Variants in NCKAP5 observed in about 807,000 individuals in gnomAD.
NCKAP5 encodes the protein nck-associated protein 5.
NCKAP5 carries 92 observed loss-of-function variants against 167.0 expected under a neutral mutation model. The observed-to-expected ratio is 0.55, with a 90% CI of 0.47 to 0.66. NCKAP5 has a LOEUF of 0.66. Ranked by LOEUF, NCKAP5 falls within the 30% of genes least tolerant of loss-of-function variation. NCKAP5 has a pLI of 0.00. For synonymous variants in NCKAP5, 891 were observed against 877.4 expected (o/e 1.02, Z -0.27); for missense variants, 2,378 against 2,315.0 (o/e 1.03, Z -0.56).
At chr2:133,112,771 G>A (rs1441019877) in intron 6 of NCKAP5, among the ~76,000 whole-genome samples, 2 of 152,172 alleles carry the variant, frequency 1.3e-5, no homozygotes, top group African/African-American at 4.8e-5. Flanking sequence ...TACAATTATT[G>A]TCAGAACTAC....
In NCKAP5 at chr2:132,673,196, T is replaced by A. The variant is rs1683961660; in HGVS notation, c.*93A>T. The A allele has an allele frequency of 8.4e-6, 12 of 1,424,696 alleles. No homozygotes were observed. Among genetic ancestry groups the A allele is most frequent in the African/African-American group, 1.5e-5 (1 of 67,424 alleles). 88.3% of individuals were successfully genotyped at this position (1,424,696 alleles called of 1,614,324 possible). A position where few individuals can be genotyped will look rare whatever the true frequency, so the allele number is the denominator to read the frequency against. On this transcript the variant is annotated 3_prime_UTR_variant, in exon 20 of 20. Transcript: ENST00000409261. ...AACCTTGTTCAGAGAGTTCTTCTCT[T>A]TTTCTAATAAAATCACAGTATTGCT...
intron 19 of NCKAP5, among the ~76,000 whole-genome samples, chr2:132,686,972 C>T (rs1330272663): frequency 1.3e-5 from 2 of 151,994 alleles, no homozygotes; most frequent in Admixed American, 1.3e-4. Flanking sequence ...TTAAAACATG[C>T]AAAATAAGTG....
chr2:133,534,591 T>C (rs1274582831), intron 2 of NCKAP5, among the ~76,000 whole-genome samples: 7 of 152,208 alleles, frequency 4.6e-5, no homozygotes, highest in African/African-American at 1.7e-4. Context: ...TCATGATAAG[T>C]AATCTTTGTG....
Position 132,808,979 on chromosome 2 carries a change from T to C in NCKAP5, c.808-12250A>G, listed in dbSNP as rs116243988. Among the ~76,000 whole-genome samples, 320 of 152,286 alleles carry C rather than the reference T, an allele frequency of 2.1e-3. 2 individuals carry two copies. The highest frequency in any genetic ancestry group is 7.2e-3 in the African/African-American group (301 of 41,570). ...TTGATAGATTGTGTCATTATTGTCA[T>C]TCTGTTCAAAGAATTTTTTATTTCC... On this transcript the variant is annotated intron_variant, in intron 11 of 19. Transcript: ENST00000409261.
At chr2:133,138,804 A>T (rs1367597351) in intron 5 of NCKAP5, among the ~76,000 whole-genome samples, 1 of 152,166 alleles carries the variant, frequency 6.6e-6, no homozygotes, top group African/African-American at 2.4e-5. Context: ...TAGTTCCTCA[A>T]TGTGTTCAAT....
chr2:133,603,560 A>C, the NCKAP5 span, among the ~76,000 whole-genome samples: 4 of 148,186 alleles, frequency 2.7e-5, no homozygotes, highest in African/African-American at 1.0e-4. Context: ...TCTTTTTTTG[A>C]GACGGAGTCT....
chr2:133,639,168 T>C, the NCKAP5 span, among the ~76,000 whole-genome samples: 2 of 152,122 alleles, frequency 1.3e-5, no homozygotes, highest in African/African-American at 4.8e-5. Context: ...TCAGAGAATA[T>C]CAATTGTTGG....
At chr2:133,250,907 G>A (rs2088283705) in intron 4 of NCKAP5, among the ~76,000 whole-genome samples, 1 of 152,046 alleles carries the variant, frequency 6.6e-6, no homozygotes, top group Non-Finnish European at 1.5e-5. Flanking sequence ...TCCAGCCTGG[G>A]TGACAGGGTG....
At chr2:133,126,570 C>A (rs764206576) in intron 6 of NCKAP5, among the ~76,000 whole-genome samples, 7 of 152,186 alleles carry the variant, frequency 4.6e-5, no homozygotes, top group Non-Finnish European at 8.8e-5. Context: ...GTGAAAGCAG[C>A]AGCCCTTGCA....
intron 4 of NCKAP5, among the ~76,000 whole-genome samples, chr2:133,221,082 T>C (rs907096714): frequency 8.0e-5 from 12 of 149,858 alleles, no homozygotes; most frequent in Admixed American, 7.9e-4. Context: ...TCAAGCAAAC[T>C]GTTAATATGT....
intron 4 of NCKAP5, chr2:133,268,213 T>C (rs2089334494): frequency 1.3e-5 from 2 of 152,238 alleles, no homozygotes; most frequent in African/African-American, 4.8e-5. Context: ...ACTTGAGAAA[T>C]GTGTGCAAGC....
At chr2:132,840,055 C>A (rs747146145) in intron 11 of NCKAP5, among the ~76,000 whole-genome samples, 1 of 152,046 alleles carries the variant, frequency 6.6e-6, no homozygotes, top group African/African-American at 2.4e-5. Flanking sequence ...AAACTATGGT[C>A]CATATGTAGC....
chr2:133,120,766 A>C (rs981373691), intron 6 of NCKAP5, among the ~76,000 whole-genome samples: 1 of 152,194 alleles, frequency 6.6e-6, no homozygotes, highest in African/African-American at 2.4e-5. Flanking sequence ...TATAACTCTA[A>C]GAATGATGAC....
At chr2:133,514,524 C>G (rs1456877049) in intron 3 of NCKAP5, among the ~76,000 whole-genome samples, 1 of 152,176 alleles carries the variant, frequency 6.6e-6, no homozygotes, top group Admixed American at 6.5e-5. Context: ...TTCTACTCAA[C>G]ACTTCAATGA....
At chr2:133,038,050 T>G (rs1042442684) in intron 6 of NCKAP5, among the ~76,000 whole-genome samples, 1 of 152,086 alleles carries the variant, frequency 6.6e-6, no homozygotes, top group Admixed American at 6.6e-5. Flanking sequence ...CTAAGGAGAA[T>G]AGTTTAGAGA....
At chr2:132,921,282 A>T (rs1695409203) in intron 8 of NCKAP5, among the ~76,000 whole-genome samples, 1 of 152,082 alleles carries the variant, frequency 6.6e-6, no homozygotes, top group African/African-American at 2.4e-5. Context: ...TCTCTAAGAC[A>T]TGGAGACCTC....
At chr2:133,049,165 C>T (rs1332678132) in intron 6 of NCKAP5, among the ~76,000 whole-genome samples, 1 of 152,196 alleles carries the variant, frequency 6.6e-6, no homozygotes, top group Non-Finnish European at 1.5e-5. Context: ...TGTGTAATCA[C>T]TGTACTTGCT....
the NCKAP5 span, among the ~76,000 whole-genome samples, chr2:133,579,273 A>G: frequency 1.3e-5 from 2 of 152,232 alleles, no homozygotes; most frequent in Admixed American, 6.5e-5. Flanking sequence ...AACTGTCTCT[A>G]AAGTCTCCAC....
chr2:132,903,921 T>C (rs1693814295), intron 8 of NCKAP5, among the ~76,000 whole-genome samples: 1 of 152,216 alleles, frequency 6.6e-6, no homozygotes, highest in Non-Finnish European at 1.5e-5. Context: ...ATACATTGTA[T>C]ATTACAATTT....
Sources: gnomAD v4.1 joint callset for allele counts (sites outside exome capture counted in the v4.1 genomes callset) on GRCh38, gnomAD v4.1.1 for gene constraint, MANE v1.5 for transcripts, NCBI Gene and HGNC (gene_info 2026-07-23, HGNC 2026-07-21) for gene names.